ZNF438: variants seen among roughly 807,000 people sequenced by gnomAD.
ZNF438 encodes the protein zinc finger protein 438.
ZNF438 carries 25 observed loss-of-function variants against 38.0 expected under a neutral mutation model. The ratio of observed to expected loss-of-function variants is 0.66; its 90% confidence interval spans 0.48 to 0.92. The LOEUF (loss-of-function observed/expected upper bound fraction) is 0.92, where lower values mean the gene tolerates loss of function less well. ZNF438 is among the 40% of genes least tolerant of loss of function. The pLI is 0.00. For missense variants in ZNF438, 1,007 were observed against 999.6 expected (o/e 1.01, Z -0.10); for synonymous variants, 372 against 364.1 (o/e 1.02, Z -0.25).
rs1589682725 is a variant in ZNF438 at position 31,003,868 on chromosome 10, C to G, written c.-192+27965G>C. Among the ~76,000 whole-genome samples, 2 of 152,226 alleles carry G rather than the reference C, an allele frequency of 1.3e-5. 1 individual carries two copies. Among genetic ancestry groups the G allele is most frequent in the Non-Finnish European group, 2.9e-5 (2 of 68,032 alleles). On this transcript the variant is annotated intron_variant, in intron 1 of 5. Transcript: ENST00000413025. ...AGCCTCCAATGGCTTTTATTGGTAC[C>G]TCCAATGCAAGATCATAAATAATCT...
chr10:30,845,663 A>T, intron 5 of ZNF438, 90 bp from the exon 7 acceptor site: 3 of 1,452,292 alleles, frequency 2.1e-6, no homozygotes, highest in Non-Finnish European at 2.8e-6. Flanking sequence ...AGGGATCTAA[A>T]ACATAACACT....
chr10:30,934,016 G>T (rs1208679982), intron 2 of ZNF438, among the ~76,000 whole-genome samples: 1 of 151,974 alleles, frequency 6.6e-6, no homozygotes, highest in Non-Finnish European at 1.5e-5. Context: ...TGTGGTGGCG[G>T]GTGCCTGTAG....
intron 2 of ZNF438, among the ~76,000 whole-genome samples, chr10:30,938,980 G>C (rs1230832644): frequency 6.6e-6 from 1 of 151,976 alleles, no homozygotes; most frequent in Non-Finnish European, 1.5e-5. Flanking sequence ...ATTTTTAGTA[G>C]AGACGGGGTT....
chr10:30,872,574 C>T (rs978813009), intron 4 of ZNF438, among the ~76,000 whole-genome samples: 4 of 150,692 alleles, frequency 2.7e-5, no homozygotes, highest in African/African-American at 7.3e-5. Context: ...CATGGTGAAA[C>T]CCCGTCTTGA....
intron 1 of ZNF438, among the ~76,000 whole-genome samples, chr10:30,973,694 G>A (rs2051003296): frequency 6.6e-6 from 1 of 152,138 alleles, no homozygotes; most frequent in Non-Finnish European, 1.5e-5. Context: ...GATGACTACA[G>A]AGAAGAAAAG....
At chr10:30,929,211 G>C (rs910008378) in intron 2 of ZNF438, among the ~76,000 whole-genome samples, 3 of 152,208 alleles carry the variant, frequency 2.0e-5, no homozygotes, top group South Asian at 4.1e-4. Context: ...GAAATTGGTG[G>C]GTTCTTGGTC....
rs764154038 is a variant in ZNF438, at chr10:30,849,195, T to C, written c.1210A>G (p.Ile404Val). 4.3e-6 allele frequency: 7 copies of C among 1,614,130 alleles called. No individual in the cohort carries two copies. The East Asian group carries it at 1.1e-4, about 26-fold the overall frequency. Reference sequence around the variant, plus strand: ...TTACCATCTCTACACTTATTAATGATATATTTCCTCCTTTTTCCCTGAAAT... The same window carrying C: ...TTACCATCTCTACACTTATTAATGACATATTTCCTCCTTTTTCCCTGAAAT... Residue 404 changes from isoleucine (I) to valine (V), a missense_variant, in exon 5 of 6, where the codon ATC becomes GTC. Physicochemically the swap from Ile to Val is conservative, Grantham distance 29 (BLOSUM62 3). Coordinates refer to ENST00000413025, the Ensembl canonical transcript of ZNF438.
chr10:30,845,626 A>G, intron 5 of ZNF438, 53 bp from the exon 7 acceptor site: 1 of 1,559,312 alleles, frequency 6.4e-7, no homozygotes, highest in Non-Finnish European at 8.6e-7. Context: ...ATGCAATTGG[A>G]ATCTTTCCTC....
chr10:30,862,422 C>T (rs1260893381), intron 4 of ZNF438, among the ~76,000 whole-genome samples: 5 of 152,100 alleles, frequency 3.3e-5, no homozygotes, highest in African/African-American at 9.7e-5. Flanking sequence ...CCTGCCTCAG[C>T]CTCCCAAGTA....
rs184308349 is a variant in ZNF438, at chr10:31,005,261, G to A, written c.-192+26572C>T. ...CAGATGAATGAACTGTGAGTTATGT[G>A]TGTGTACATATGTGTGTGTGTATAT... On this transcript the variant is annotated intron_variant, in intron 1 of 5. Transcript: ENST00000413025. Among the ~76,000 whole-genome samples the A allele has an allele frequency of 5.3e-4, 81 of 152,314 alleles. 1 individual carries two copies. Among genetic ancestry groups the A allele is most frequent in the Admixed American group, 5.1e-3 (78 of 15,296 alleles).
chr10:30,937,244 G>A (rs1443554182), intron 2 of ZNF438, among the ~76,000 whole-genome samples: 1 of 152,182 alleles, frequency 6.6e-6, no homozygotes, highest in East Asian at 1.9e-4. Flanking sequence ...AAGAACAGGT[G>A]CTGTAGTCAG....
intron 2 of ZNF438, among the ~76,000 whole-genome samples, chr10:30,929,729 G>A (rs977867548): frequency 3.9e-5 from 6 of 152,164 alleles, no homozygotes; most frequent in Admixed American, 2.6e-4. Context: ...TGATTGGTGT[G>A]TTTACAATCC....
At chr10:30,977,604 T>C (rs1391390754) in intron 1 of ZNF438, among the ~76,000 whole-genome samples, 2 of 152,182 alleles carry the variant, frequency 1.3e-5, no homozygotes, top group African/African-American at 4.8e-5. Context: ...CAGCCACATG[T>C]TGCTGTAAAA....
intron 1 of ZNF438, among the ~76,000 whole-genome samples, chr10:31,030,115 CT>C (rs1564372022): frequency 6.6e-6 from 1 of 152,164 alleles, no homozygotes; most frequent in African/African-American, 2.4e-5. Context: ...GTAAGCTCTA[CT>C]TTTTTTAAGT....
chr10:30,906,129 T>C (rs775920888), intron 3 of ZNF438, among the ~76,000 whole-genome samples: 7 of 152,210 alleles, frequency 4.6e-5, no homozygotes, highest in African/African-American at 9.6e-5. Flanking sequence ...AGAGACTGCA[T>C]TGAAACTAGA....
intron 2 of ZNF438, among the ~76,000 whole-genome samples, chr10:30,923,679 G>GTA (rs2044588101): frequency 6.6e-6 from 1 of 152,206 alleles, no homozygotes; most frequent in African/African-American, 2.4e-5. Flanking sequence ...CTGCCAATTT[G>GTA]TATATCCTCA....
At position 30,962,490 on chromosome 10, in the gene ZNF438, A is replaced by G. The variant is rs531792802; in HGVS notation, c.-191-20839T>C. On this transcript the variant is annotated intron_variant, in intron 1 of 5. Coordinates refer to ENST00000413025, the Ensembl canonical transcript of ZNF438. ...TAAGAAAGGAAGGAATTTGGAAGGA[A>G]GAAAGACAGGGGGTGGGTGTTCCCA... 2.0e-5 allele frequency among the ~76,000 whole-genome samples: 3 copies of G among 147,680 alleles called. 1 individual carries two copies. The Admixed American group carries it at 2.0e-4, about 10-fold the overall frequency.
At chr10:30,878,848 G>C (rs144891442) in intron 3 of ZNF438, among the ~76,000 whole-genome samples, 17 of 152,260 alleles carry the variant, frequency 1.1e-4, no homozygotes, top group Middle Eastern at 3.4e-3. Context: ...CCTGCAAGGG[G>C]TTGAGTGTGG....
At chr10:31,023,356 T>C (rs992420982) in intron 1 of ZNF438, among the ~76,000 whole-genome samples, 1 of 152,182 alleles carries the variant, frequency 6.6e-6, no homozygotes, top group Admixed American at 6.5e-5. Context: ...ACCTTCACCA[T>C]AGACAGCACA....
Sources: gnomAD v4.1 joint callset for allele counts (sites outside exome capture counted in the v4.1 genomes callset) on GRCh38, gnomAD v4.1.1 for gene constraint, MANE v1.5 for transcripts, NCBI Gene and HGNC (gene_info 2026-07-23, HGNC 2026-07-21) for gene names.